OLAH: variants seen among roughly 807,000 people sequenced by gnomAD.
The protein encoded by OLAH is oleoyl-ACP hydrolase.
OLAH carries 33 observed loss-of-function variants against 27.8 expected under a neutral mutation model. The ratio of observed to expected loss-of-function variants is 1.19; its 90% CI spans 0.90 to 1.59. OLAH has a LOEUF of 1.59. OLAH is among the 40% of genes most tolerant of loss of function. The pLI, the probability that OLAH is intolerant of heterozygous loss-of-function variation, is 0.00. For synonymous variants in OLAH, 120 were observed against 102.9 expected (o/e 1.17, Z -1.01); for missense variants, 359 against 310.8 (o/e 1.16, Z -1.17).
rs754696285 is a variant in OLAH at position 15,061,795 on chromosome 10, G to A, written c.235G>A (p.Val79Ile). Residue 79 changes from valine (V) to isoleucine (I), a missense_variant, in exon 4 of 8, where the codon GTT (valine) becomes ATT (isoleucine). Coordinates refer to ENST00000378228, the MANE Select transcript of OLAH (RefSeq NM_001039702.3). ...EPLENDISQL[V>I]DEVVCALQPV... ...TCTTGAAAATGACATCTCCCAGTTAGTTGATGAAGTTGTTTGTGCTCTGCA... is the reference window on the plus strand; with the variant it reads ...TCTTGAAAATGACATCTCCCAGTTAATTGATGAAGTTGTTTGTGCTCTGCA... 1.2e-6 allele frequency: 2 copies of A among 1,613,936 alleles called. No homozygotes were observed. The highest frequency in any genetic ancestry group is 2.2e-5 in the East Asian group (1 of 44,866).
chr10:15,036,710 G>A (rs563436886), intron 1 of OLAH, among the ~76,000 whole-genome samples: 2 of 152,052 alleles, frequency 1.3e-5, no homozygotes, highest in South Asian at 2.1e-4. Context: ...GGCTGGTCTC[G>A]AACTCCTGGG....
At chr10:15,036,458 T>C (rs1293723208) in intron 1 of OLAH, among the ~76,000 whole-genome samples, 2 of 151,638 alleles carry the variant, frequency 1.3e-5, no homozygotes, top group African/African-American at 2.4e-5. Flanking sequence ...GATTGCGCCA[T>C]TGCACTCCAA....
chr10:15,052,215 G>A (rs929532658), intron 3 of OLAH, among the ~76,000 whole-genome samples: 4 of 152,190 alleles, frequency 2.6e-5, no homozygotes, highest in Admixed American at 6.6e-5. Context: ...CCTGGGAGGC[G>A]GAGATTGCTG....
At chr10:15,034,258 A>C (rs138050443) in intron 1 of OLAH, among the ~76,000 whole-genome samples, 6 of 151,592 alleles carry the variant, frequency 4.0e-5, no homozygotes, top group African/African-American at 1.5e-4. Context: ...TCAGCCTTCC[A>C]AGTAGCTGGG....
chr10:15,070,176 G>A (rs569031911), intron 6 of OLAH, among the ~76,000 whole-genome samples: 1 of 150,972 alleles, frequency 6.6e-6, no homozygotes, highest in African/African-American at 2.4e-5. Flanking sequence ...TCATTGTTAG[G>A]ATGGAGTGTG....
chr10:15,037,173 G>A (rs554953388), intron 1 of OLAH, among the ~76,000 whole-genome samples: 22 of 151,770 alleles, frequency 1.4e-4, no homozygotes, highest in African/African-American at 4.3e-4. Flanking sequence ...AAAAAGGTGC[G>A]TATTGTAAAT....
At chr10:15,064,824 A>ATT (rs1442133723) in intron 5 of OLAH, among the ~76,000 whole-genome samples, 1 of 152,028 alleles carries the variant, frequency 6.6e-6, no homozygotes, top group Admixed American at 6.6e-5. Context: ...CAGCCAGCTA[A>ATT]TTTTGTATTT....
intron 7 of OLAH, among the ~76,000 whole-genome samples, chr10:15,072,618 C>G (rs1844612708): frequency 6.6e-6 from 1 of 152,000 alleles, no homozygotes; most frequent in African/African-American, 2.4e-5. Context: ...GGGCTTATTA[C>G]AAGCTTGGAA....
rs758955580 is a variant in OLAH, at chr10:15,047,288, C to T, written c.-1C>T. Reference sequence around the variant, plus strand: ...GCCATCTTGCAACCTCACCTCACAGCATGGAGAGAGGAGACCAACCTAAGA... The same window carrying T: ...GCCATCTTGCAACCTCACCTCACAGTATGGAGAGAGGAGACCAACCTAAGA... On this transcript the variant is annotated 5_prime_UTR_variant, in exon 2 of 8. Coordinates refer to ENST00000378228, the MANE Select transcript of OLAH (RefSeq NM_001039702.3). 42 of 1,613,400 alleles carry T rather than the reference C, an allele frequency of 2.6e-5. No homozygotes were observed. The highest frequency in any genetic ancestry group is 3.5e-5 in the Non-Finnish European group (41 of 1,179,740).
intron 1 of OLAH, among the ~76,000 whole-genome samples, chr10:15,045,594 T>G (rs998150756): frequency 6.6e-6 from 1 of 152,118 alleles, no homozygotes; most frequent in African/African-American, 2.4e-5. Context: ...TCTGTAAACT[T>G]TCTTCCTCTA....
intron 5 of OLAH, 31 bp downstream of exon 5, chr10:15,064,533 C>A: frequency 8.2e-7 from 1 of 1,226,562 alleles, no homozygotes; most frequent in Non-Finnish European, 1.2e-6. Context: ...CTAGGAAGGG[C>A]AGTGGAGAGC....
chr10:15,071,463 A>G (rs1844585270), intron 6 of OLAH: 2 of 935,486 alleles, frequency 2.1e-6, no homozygotes, highest in Non-Finnish European at 2.5e-6. Flanking sequence ...TGGGCCAAGG[A>G]GAGCTAAGAG....
At chr10:15,062,739 TTC>T (rs1491432363) in intron 4 of OLAH, among the ~76,000 whole-genome samples, 1 of 151,536 alleles carries the variant, frequency 6.6e-6, no homozygotes, top group East Asian at 1.9e-4. Flanking sequence ...CCAGTGAACA[TTC>T]TTTTTTTTTT....
chr10:15,068,377 T>A (rs1844507948), intron 6 of OLAH, among the ~76,000 whole-genome samples: 1 of 152,184 alleles, frequency 6.6e-6, no homozygotes, highest in Non-Finnish European at 1.5e-5. Flanking sequence ...TGCTTTCTTG[T>A]GTGTCTGATA....
chr10:15,071,018 A>C (rs1029212051), intron 6 of OLAH, among the ~76,000 whole-genome samples: 1 of 152,012 alleles, frequency 6.6e-6, no homozygotes, highest in African/African-American at 2.4e-5. Flanking sequence ...TCCTGGCCTT[A>C]AGTGATCCTC....
At chr10:15,047,516 A>G (rs1844044060) in intron 2 of OLAH, 196 bp downstream of exon 2, 15 of 577,436 alleles carry the variant, frequency 2.6e-5, no homozygotes, top group Non-Finnish European at 4.7e-5. Context: ...CCGACATGGC[A>G]AAACCCTGTC....
intron 6 of OLAH, among the ~76,000 whole-genome samples, chr10:15,069,563 G>A (rs777495052): frequency 4.6e-5 from 7 of 152,112 alleles, no homozygotes; most frequent in Non-Finnish European, 1.0e-4. Flanking sequence ...CCTAGTGGAG[G>A]CCCATGGAAA....
At chr10:15,071,650 G>C (rs1844588573) in intron 6 of OLAH, 145 bp from the exon 7 acceptor site, 2 of 1,411,478 alleles carry the variant, frequency 1.4e-6, no homozygotes, top group Non-Finnish European at 1.9e-6. Context: ...AGGTAGAAGT[G>C]CCATTGGTGA....
At position 15,047,325 on chromosome 10, in the gene OLAH, G is replaced by A. The variant is rs1844039054; in HGVS notation, c.32+5G>A. 1 of 1,613,322 alleles carries A rather than the reference G, an allele frequency of 6.2e-7. No individual in the cohort carries two copies. Among genetic ancestry groups the A allele is most frequent in the East Asian group, 2.2e-5 (1 of 44,850 alleles). On this transcript the variant is annotated splice_donor_5th_base_variant and intron_variant, in intron 2 of 7. Coordinates refer to ENST00000378228, the MANE Select transcript of OLAH (RefSeq NM_001039702.3). ...AGACCAACCTAAGAGAACCAGGCAG[G>A]CCACCCCTTGTGCCACCAGGCTCTT...
Sources: allele counts gnomAD v4.1 joint callset (sites outside exome capture counted in the v4.1 genomes callset), GRCh38; gene constraint gnomAD v4.1.1; transcripts MANE v1.5; gene names NCBI Gene and HGNC (gene_info 2026-07-23, HGNC 2026-07-21).